The following RALGAPA1 variants were observed in gnomAD, a reference collection of about 807,000 sequenced individuals.
RALGAPA1 encodes the protein Ral GTPase activating protein catalytic subunit alpha 1.
RALGAPA1 carries 52 observed loss-of-function variants against 269.6 expected under a neutral mutation model. That is an observed-to-expected ratio of 0.19 (90% CI 0.15 to 0.24). The LOEUF (loss-of-function observed/expected upper bound fraction) is 0.24. RALGAPA1 is among the 10% of genes least tolerant of loss of function. RALGAPA1 has a pLI of 1.00. For missense variants in RALGAPA1, 1,917 were observed against 3,013.9 expected (o/e 0.64, Z 8.52); for synonymous variants, 817 against 1,008.3 (o/e 0.81, Z 3.60).
rs573491359 is a variant in RALGAPA1, at chr14:35,795,624, C to A, written c.106+13106G>T. Among the ~76,000 whole-genome samples, 8 of 152,108 alleles carry A rather than the reference C, an allele frequency of 5.3e-5. No homozygotes were observed. The South Asian group carries it at 1.5e-3, about 28-fold the overall frequency. On this transcript the variant is annotated intron_variant, in intron 1 of 41. Transcript: ENST00000680220. ...CACCCAACAAATCATAAAAGCAAGA[C>A]CCAAAATAATAAAACTGTTTTCAAA...
intron 41 of RALGAPA1, among the ~76,000 whole-genome samples, chr14:35,543,242 G>C (rs1338627484): frequency 6.6e-6 from 1 of 152,148 alleles, no homozygotes; most frequent in Non-Finnish European, 1.5e-5. Context: ...CAGGGATTAA[G>C]ATTACATATG....
At chr14:35,718,087 C>T (rs914614742) in intron 16 of RALGAPA1, among the ~76,000 whole-genome samples, 1 of 152,126 alleles carries the variant, frequency 6.6e-6, no homozygotes, top group African/African-American at 2.4e-5. Context: ...TTAAAACAGT[C>T]GTCCTATGTC....
chr14:35,557,093 T>C (rs1248599747), intron 39 of RALGAPA1, among the ~76,000 whole-genome samples: 7 of 110,466 alleles, frequency 6.3e-5, no homozygotes. Context: ...GATTATCCAA[T>C]ATGTATGTGT....
At chr14:35,581,639 A>G (rs565040338) in intron 37 of RALGAPA1, among the ~76,000 whole-genome samples, 1 of 152,334 alleles carries the variant, frequency 6.6e-6, no homozygotes, top group East Asian at 1.9e-4. Flanking sequence ...GATGCTCAAT[A>G]TCATTAGAAG....
At chr14:35,758,243 C>CAAAAAAAAAAAAAAAAAAAAAA (rs66473514) in intron 6 of RALGAPA1, among the ~76,000 whole-genome samples, 1 of 49,748 alleles carries the variant, frequency 2.0e-5, no homozygotes. Context: ...GACTCTGTCT[C>CAAAAAAAAAAAAAAAAAAAAAA]AAAAAAAAAA....
At chr14:35,653,646 AT>A (rs915623591) in intron 30 of RALGAPA1, among the ~76,000 whole-genome samples, 109 of 146,574 alleles carry the variant, frequency 7.4e-4, no homozygotes, top group African/African-American at 1.2e-3. Flanking sequence ...AAAATCAGAG[AT>A]TTTTTTTTTT....
chr14:35,695,969 T>C (rs1368469053), intron 17 of RALGAPA1, among the ~76,000 whole-genome samples: 1 of 152,190 alleles, frequency 6.6e-6, no homozygotes, highest in Admixed American at 6.5e-5. Context: ...TATTAGATGT[T>C]TGTGCAAGCC....
intron 10 of RALGAPA1, among the ~76,000 whole-genome samples, 167 bp from the exon 11 acceptor site, chr14:35,742,732 TAA>T (rs1397939115): frequency 7.3e-6 from 1 of 137,020 alleles, no homozygotes; most frequent in Non-Finnish European, 1.6e-5. Flanking sequence ...TTGATATAAA[TAA>T]GAGTTAAGTT....
chr14:35,757,190 C>T (rs1306743092), intron 6 of RALGAPA1, among the ~76,000 whole-genome samples: 1 of 150,770 alleles, frequency 6.6e-6, no homozygotes, highest in East Asian at 1.9e-4. Flanking sequence ...GGCACGATCT[C>T]GGCTCACTGC....
intron 39 of RALGAPA1, among the ~76,000 whole-genome samples, chr14:35,556,397 A>G (rs1203778913): frequency 6.6e-6 from 1 of 152,220 alleles, no homozygotes; most frequent in Non-Finnish European, 1.5e-5. Flanking sequence ...AGGGAAAGAT[A>G]TTCCATTTCT....
At chr14:35,565,951 CA>C (rs957396808) in intron 39 of RALGAPA1, among the ~76,000 whole-genome samples, 1 of 151,634 alleles carries the variant, frequency 6.6e-6, no homozygotes, top group Non-Finnish European at 1.5e-5. Flanking sequence ...AAAACAGAAA[CA>C]AAAAAACCAT....
intron 17 of RALGAPA1, among the ~76,000 whole-genome samples, chr14:35,694,489 G>T (rs1207448406): frequency 1.3e-5 from 2 of 152,050 alleles, no homozygotes; most frequent in African/African-American, 4.8e-5. Context: ...ATCTTTTTAA[G>T]ATTAGATGTT....
At chr14:35,763,891 C>T (rs1419862289) in intron 4 of RALGAPA1, among the ~76,000 whole-genome samples, 2 of 151,876 alleles carry the variant, frequency 1.3e-5, no homozygotes, top group African/African-American at 4.8e-5. Context: ...TACTACCAGC[C>T]GTATATGGGA....
intron 37 of RALGAPA1, among the ~76,000 whole-genome samples, chr14:35,587,581 A>T (rs2058379515): frequency 6.6e-6 from 1 of 152,208 alleles, no homozygotes; most frequent in Non-Finnish European, 1.5e-5. Context: ...GACATGGATG[A>T]AGCTGGAAAC....
At position 35,549,263 on chromosome 14, in the gene RALGAPA1, A is replaced by C. The variant is rs1594519742; in HGVS notation, c.7497-29T>G. 6 of 1,608,228 alleles carry C rather than the reference A, an allele frequency of 3.7e-6. No homozygotes were observed. The East Asian group carries it at 1.1e-4, about 30-fold the overall frequency. On this transcript the variant is annotated intron_variant, in intron 39 of 41. Coordinates refer to ENST00000680220, the MANE Select transcript of RALGAPA1 (RefSeq NM_001346249.2). ...ATTTCCTTTGGTTAAGGATAAACTTAAGTGCAGCTTATACTGGAAAAAAAA... is the reference window on the plus strand; with the variant it reads ...ATTTCCTTTGGTTAAGGATAAACTTCAGTGCAGCTTATACTGGAAAAAAAA...
intron 25 of RALGAPA1, 48 bp from the exon 26 acceptor site, chr14:35,671,565 G>A (rs200688478): frequency 9.9e-7 from 1 of 1,014,744 alleles, no homozygotes; most frequent in South Asian, 1.4e-5. Flanking sequence ...ATGTAATCTT[G>A]AGTATCAGCT....
intron 35 of RALGAPA1, among the ~76,000 whole-genome samples, chr14:35,624,077 A>G (rs2139552765): frequency 6.8e-6 from 1 of 147,122 alleles, no homozygotes; most frequent in Admixed American, 6.9e-5. Flanking sequence ...ACACAGCAAG[A>G]CTCCATCTCA....
intron 35 of RALGAPA1, among the ~76,000 whole-genome samples, chr14:35,618,309 T>C (rs1036182117): frequency 8.5e-5 from 13 of 152,136 alleles, no homozygotes; most frequent in Admixed American, 4.6e-4. Context: ...GCAAATATCA[T>C]TTGATATTAG....
intron 19 of RALGAPA1, among the ~76,000 whole-genome samples, chr14:35,686,152 A>G (rs1377565540): frequency 6.6e-6 from 1 of 150,612 alleles, no homozygotes; most frequent in Admixed American, 6.6e-5. Context: ...GATTATATTT[A>G]TTTATTTATA....
Sources: allele counts gnomAD v4.1 joint callset (sites outside exome capture counted in the v4.1 genomes callset), GRCh38; gene constraint gnomAD v4.1.1; transcripts MANE v1.5; gene names NCBI Gene and HGNC (gene_info 2026-07-23, HGNC 2026-07-21).